Variants in INSYN2A observed in about 807,000 individuals in gnomAD.
INSYN2A encodes inhibitory synaptic factor 2A.
In INSYN2A, 17 loss-of-function variants were observed where a neutral mutation model predicts 39.4. The ratio of observed to expected loss-of-function variants is 0.43; its 90% CI spans 0.30 to 0.65. The LOEUF (loss-of-function observed/expected upper bound fraction) is 0.65. Ranked by LOEUF, INSYN2A falls within the 30% of genes least tolerant of loss-of-function variation. The pLI, the probability that INSYN2A is intolerant of heterozygous loss-of-function variation, is 0.14. For synonymous variants in INSYN2A, 255 were observed against 265.7 expected, an observed-to-expected ratio of 0.96 and a Z score of 0.39; for missense variants, 595 against 631.2, an observed-to-expected ratio of 0.94 and a Z score of 0.61.
rs2050698468 is a variant in INSYN2A, at chr10:127,136,421, A to G, written c.*1416T>C. On this transcript the variant is annotated 3_prime_UTR_variant, in exon 6 of 6. Transcript: ENST00000522781. Reference sequence around the variant, plus strand: ...CACTAGATGTGAAACTGCTGGACAGAAACTTCAAGACTAGGTTTTCCTGTA... The same window carrying G: ...CACTAGATGTGAAACTGCTGGACAGGAACTTCAAGACTAGGTTTTCCTGTA... 1 of 151,992 alleles carries G rather than the reference A, an allele frequency of 6.6e-6. No homozygotes were observed. The allele number at this position is 151,992 out of a possible 1,614,324, so 9.4% of individuals were successfully genotyped here. A position where few individuals can be genotyped will look rare whatever the true frequency, so the allele number is the denominator to read the frequency against.
At chr10:127,169,269 C>T (rs1418513001) in intron 4 of INSYN2A, among the ~76,000 whole-genome samples, 1 of 152,144 alleles carries the variant, frequency 6.6e-6, no homozygotes, top group Non-Finnish European at 1.5e-5. Flanking sequence ...ATTTGAACAG[C>T]CTGAATGCCG....
intron 4 of INSYN2A, among the ~76,000 whole-genome samples, chr10:127,163,765 A>G (rs1460596768): frequency 6.6e-6 from 1 of 150,796 alleles, no homozygotes; most frequent in East Asian, 2.0e-4. Context: ...TTGCACCTAA[A>G]CCAGGCCCAC....
In INSYN2A at chr10:127,137,821, C is replaced by T. The variant is rs766456642; in HGVS notation, c.*16G>A. 4 of 1,605,430 alleles carry T rather than the reference C, an allele frequency of 2.5e-6. No homozygotes were observed. In the South Asian group the frequency reaches 4.5e-5, roughly 18 times the overall value. On this transcript the variant is annotated 3_prime_UTR_variant, in exon 6 of 6. Transcript: ENST00000522781. ...GGGTTCTAAAGACGGCCTCGAGACT[C>T]CAGACACCGTGAGTGTTAAAGGAAC... is the stretch of plus-strand genomic sequence containing the variant.
intron 4 of INSYN2A, among the ~76,000 whole-genome samples, chr10:127,165,163 T>G (rs976588441): frequency 8.5e-5 from 13 of 152,230 alleles, no homozygotes; most frequent in Admixed American, 1.3e-4. Flanking sequence ...ATTAATGTTG[T>G]CATTTTTTGC....
At position 127,176,291 on chromosome 10, in the gene INSYN2A, G is replaced by T. The variant is rs781715631; in HGVS notation, c.105C>A (p.Asn35Lys). 20 of 1,614,102 alleles carry T rather than the reference G, an allele frequency of 1.2e-5. No individual in the cohort carries two copies. The highest frequency in any genetic ancestry group is 1.7e-5 in the Admixed American group (1 of 60,022). ...ALEMKYALDPNRQIKKRNKAL... is the reference protein window; with the variant it reads ...ALEMKYALDPKRQIKKRNKAL... ...CTTTGTTCCGTTTTTTAATCTGCCG[G>T]TTGGGGTCCAGGGCGTATTTCATCT... Residue 35 changes from asparagine (N) to lysine (K), a missense_variant, in exon 4 of 6, where the codon AAC becomes AAA. Around this residue, in one of 2 missense-constraint regions of INSYN2A, gnomAD observed 478 missense variants for 467.4 expected, o/e 1.02. Coordinates refer to ENST00000522781, the MANE Select transcript of INSYN2A (RefSeq NM_001039762.3). The surrounding 1 kb of genome is among the most constrained non-coding windows in gnomAD (Gnocchi z 4.4).
At chr10:127,144,968 G>C (rs983479851) in intron 5 of INSYN2A, among the ~76,000 whole-genome samples, 2 of 151,838 alleles carry the variant, frequency 1.3e-5, no homozygotes, top group African/African-American at 2.4e-5. Context: ...AAAAGCATTA[G>C]CCAGATATCC....
intron 4 of INSYN2A, among the ~76,000 whole-genome samples, chr10:127,158,144 A>G (rs369142491): frequency 2.0e-5 from 3 of 152,224 alleles, no homozygotes; most frequent in Admixed American, 2.0e-4. Context: ...GATGAAACAG[A>G]TAAGTTATTT....
chr10:127,158,425 A>G (rs906235128), intron 4 of INSYN2A, among the ~76,000 whole-genome samples: 1 of 152,214 alleles, frequency 6.6e-6, no homozygotes, highest in African/African-American at 2.4e-5. Flanking sequence ...ATCACAAATT[A>G]TAAATTTTCT....
chr10:127,188,569 C>G (rs1286304620), intron 2 of INSYN2A, among the ~76,000 whole-genome samples: 2 of 152,134 alleles, frequency 1.3e-5, no homozygotes, highest in African/African-American at 4.8e-5. Flanking sequence ...AGGGGGTGCT[C>G]AAGGTCTTCC....
chr10:127,195,046 G>A (rs1205538446), intron 1 of INSYN2A, among the ~76,000 whole-genome samples: 4 of 152,130 alleles, frequency 2.6e-5, no homozygotes, highest in Non-Finnish European at 5.9e-5. Context: ...TACTCCAGAG[G>A]CACCTCTCCT....
intron 4 of INSYN2A, among the ~76,000 whole-genome samples, chr10:127,156,115 T>C (rs1009030025): frequency 6.6e-6 from 1 of 152,342 alleles, no homozygotes; most frequent in African/African-American, 2.4e-5. Context: ...TCTAAGCTTA[T>C]AGAACCTTCC....
At chr10:127,141,324 G>A (rs909483774) in intron 5 of INSYN2A, among the ~76,000 whole-genome samples, 5 of 152,160 alleles carry the variant, frequency 3.3e-5, no homozygotes, top group African/African-American at 7.2e-5. Context: ...TCCTCTTTCT[G>A]TTTCCAGCAA....
Position 127,135,473 on chromosome 10 carries a change from A to C in INSYN2A, c.*2364T>G, listed in dbSNP as rs897449058. ...TTAAAAATTAATAAAGAACTTAACG[A>C]CAAGTATAATAATTTAATCTCTATA... On this transcript the variant is annotated 3_prime_UTR_variant, in exon 6 of 6. Transcript: ENST00000522781. The C allele has an allele frequency of 2.6e-5, 4 of 152,666 alleles. No individual in the cohort carries two copies. Among genetic ancestry groups the C allele is most frequent in the African/African-American group, 9.6e-5 (4 of 41,466 alleles). The allele number at this position is 152,666 out of a possible 1,614,324, so 9.5% of individuals were successfully genotyped here. A position where few individuals can be genotyped will look rare whatever the true frequency, so the allele number is the denominator to read the frequency against.
At chr10:127,151,995 G>C (rs2052537261) in intron 5 of INSYN2A, among the ~76,000 whole-genome samples, 1 of 122,958 alleles carries the variant, frequency 8.1e-6, no homozygotes, top group Non-Finnish European at 1.7e-5. Context: ...TTTCAGTTAG[G>C]TTAAACAGTG....
chr10:127,185,941 G>GT (rs1302416095), intron 2 of INSYN2A, among the ~76,000 whole-genome samples: 1 of 152,146 alleles, frequency 6.6e-6, no homozygotes, highest in Admixed American at 6.5e-5. Context: ...TTATCAGAAG[G>GT]TTTGTTCTTA....
chr10:127,156,001 A>G (rs1274604656), intron 4 of INSYN2A, among the ~76,000 whole-genome samples: 1 of 152,216 alleles, frequency 6.6e-6, no homozygotes. Flanking sequence ...ACTTGTCTAT[A>G]TGTGCTAGTC....
rs902794974 is a variant in INSYN2A at position 127,140,202 on chromosome 10, C to T, written c.1257-2182G>A. On this transcript the variant is annotated intron_variant, in intron 5 of 5. Coordinates refer to ENST00000522781, the MANE Select transcript of INSYN2A (RefSeq NM_001039762.3). ...TTATTGAATTCCCATTAAGCAACTA[C>T]ACTGGGAATCCTGTTATTAACCAAT... Among the ~76,000 whole-genome samples the T allele has an allele frequency of 3.9e-5, 6 of 152,200 alleles. No homozygotes were observed. The East Asian group carries it at 9.6e-4, about 24-fold the overall frequency.
intron 2 of INSYN2A, among the ~76,000 whole-genome samples, chr10:127,187,239 C>A (rs1428816125): frequency 6.6e-6 from 1 of 152,216 alleles, no homozygotes; most frequent in Non-Finnish European, 1.5e-5. Flanking sequence ...CTCTCCAGCA[C>A]CTCCTTGGAA....
chr10:127,172,584 T>TA (rs771647580), intron 4 of INSYN2A, among the ~76,000 whole-genome samples: 12 of 152,174 alleles, frequency 7.9e-5, no homozygotes, highest in Non-Finnish European at 1.6e-4. Flanking sequence ...GGGGGCCCCA[T>TA]AAGGTGGCCT....
Sources: gnomAD v4.1 joint callset for allele counts (sites outside exome capture counted in the v4.1 genomes callset) on GRCh38, gnomAD v4.1.1 for gene constraint, gnomAD v4.1.1 regional missense constraint, Gnocchi (gnomAD v3.1) non-coding constraint, MANE v1.5 for transcripts, NCBI Gene and HGNC (gene_info 2026-07-23, HGNC 2026-07-21) for gene names.